Variants in PPP4R1 observed in about 807,000 individuals in gnomAD.
PPP4R1 encodes serine/threonine-protein phosphatase 4 regulatory subunit 1.
Under a neutral mutation model 111.2 loss-of-function variants are expected in PPP4R1, and 42 were observed. The observed-to-expected ratio is 0.38, with a 90% CI of 0.29 to 0.49. The LOEUF is 0.49. PPP4R1 is among the 20% of genes least tolerant of loss of function. The pLI is 0.97. For synonymous variants in PPP4R1, 409 were observed against 405.5 expected (o/e 1.01, Z -0.10); for missense variants, 1,012 against 1,161.6 (o/e 0.87, Z 1.87).
At chr18:9,551,875 C>A (rs911672276) in intron 16 of PPP4R1, 3 of 152,382 alleles carry the variant, frequency 2.0e-5, no homozygotes, top group African/African-American at 7.2e-5. Context: ...CCAGCTGCCA[C>A]CCTCAGCAAA....
chr18:9,577,101 T>C lies in PPP4R1; in HGVS notation c.1009A>G (p.Lys337Glu), dbSNP rs1165756898. The change falls in exon 10 of 20, where the codon AAA becomes GAA. Residue 337 changes from lysine (K) to glutamate (E), a missense_variant. Transcript: ENST00000400556. ...TCTACTGACATCTCTTCTGAACTTT[T>C]GCTTTCTTCTTTAAAATACTGGCCT... ...SSGQYFKEESKSSEEMSVENK... is the reference protein window; with the variant it reads ...SSGQYFKEESESSEEMSVENK... 6.3e-7 allele frequency: 1 copy of C among 1,595,752 alleles called. No individual in the cohort carries two copies. The highest frequency in any genetic ancestry group is 8.6e-7 in the Non-Finnish European group (1 of 1,169,118).
intron 18 of PPP4R1, among the ~76,000 whole-genome samples, 175 bp from the exon 19 acceptor site, chr18:9,549,513 G>A (rs1335352629): frequency 3.9e-5 from 6 of 152,110 alleles, no homozygotes; most frequent in African/African-American, 1.4e-4. Context: ...CTGCCCACAC[G>A]GACAGACACA....
At chr18:9,580,180 T>C (rs1477882681) in intron 9 of PPP4R1, among the ~76,000 whole-genome samples, 1 of 152,176 alleles carries the variant, frequency 6.6e-6, no homozygotes, top group Non-Finnish European at 1.5e-5. Context: ...ATCTCTGCCA[T>C]GACGGTGTGA....
intron 6 of PPP4R1, among the ~76,000 whole-genome samples, chr18:9,585,999 C>A (rs2067109777): frequency 6.6e-6 from 1 of 152,152 alleles, no homozygotes; most frequent in Non-Finnish European, 1.5e-5. Flanking sequence ...ATAACGCCTA[C>A]ATCTCCTAAA....
chr18:9,562,858 A>T, intron 12 of PPP4R1: 2 of 985,162 alleles, frequency 2.0e-6, no homozygotes, highest in Non-Finnish European at 2.4e-6. Flanking sequence ...GCAGGAAATT[A>T]GGGAAGGATC....
At chr18:9,590,683 T>C (rs2067196365) in intron 4 of PPP4R1, among the ~76,000 whole-genome samples, 1 of 151,604 alleles carries the variant, frequency 6.6e-6, no homozygotes, top group Non-Finnish European at 1.5e-5. Flanking sequence ...AACTGGCTAC[T>C]CACATTAAAA....
chr18:9,556,561 T>A (rs192802537), intron 15 of PPP4R1, among the ~76,000 whole-genome samples: 2 of 152,272 alleles, frequency 1.3e-5, no homozygotes, highest in Non-Finnish European at 1.5e-5. Context: ...CCAGAGTCAA[T>A]TTCAAGGCTA....
chr18:9,611,493 T>G (rs973426807), intron 2 of PPP4R1, among the ~76,000 whole-genome samples: 1 of 152,156 alleles, frequency 6.6e-6, no homozygotes, highest in African/African-American at 2.4e-5. Context: ...TCTTTCTCCC[T>G]TCACAAGAGA....
At chr18:9,605,668 A>T (rs2067469893) in intron 2 of PPP4R1, among the ~76,000 whole-genome samples, 7 of 151,978 alleles carry the variant, frequency 4.6e-5, no homozygotes, top group Middle Eastern at 3.4e-3. Flanking sequence ...TGTCAATTTC[A>T]TGAATGCTAA....
At chr18:9,606,309 G>A (rs1157723054) in intron 2 of PPP4R1, among the ~76,000 whole-genome samples, 8 of 152,130 alleles carry the variant, frequency 5.3e-5, no homozygotes, top group Non-Finnish European at 7.4e-5. Context: ...TTCTGTTTTC[G>A]TAAATAAAAT....
At position 9,563,433 on chromosome 18, in the gene PPP4R1, G is replaced by C; in HGVS notation, c.1691C>G (p.Pro564Arg). Residue 564 changes from proline to arginine, a missense_variant, in exon 12 of 20, where the codon CCA (proline) becomes CGA (arginine). Coordinates refer to ENST00000400556, the MANE Select transcript of PPP4R1 (RefSeq NM_001042388.3). ...ATCTTCTTGATTTATTTTACAATTTGGTAGCTCATTTATATCCAGTTCATC... is the reference window on the plus strand; with the variant it reads ...ATCTTCTTGATTTATTTTACAATTTCGTAGCTCATTTATATCCAGTTCATC... ...LQDELDINEL[P>R]NCKINQEDSV... is the part of the protein sequence containing the mutation. 6.2e-7 allele frequency: 1 copy of C among 1,612,398 alleles called. No homozygotes were observed. The highest frequency in any genetic ancestry group is 8.5e-7 in the Non-Finnish European group (1 of 1,178,976).
intron 9 of PPP4R1, among the ~76,000 whole-genome samples, chr18:9,580,428 C>A (rs1316840238): frequency 6.6e-6 from 1 of 151,420 alleles, no homozygotes; most frequent in Non-Finnish European, 1.5e-5. Context: ...CGGCTCACTG[C>A]AAGCTCCGCC....
chr18:9,588,259 A>G (rs200717706), intron 5 of PPP4R1, 24 bp from the exon 6 acceptor site: 1 of 1,609,002 alleles, frequency 6.2e-7, no homozygotes, highest in African/African-American at 1.3e-5. Flanking sequence ...AACAACACAA[A>G]GAAAGTACAT....
intron 11 of PPP4R1, among the ~76,000 whole-genome samples, chr18:9,564,087 C>T (rs372712031): frequency 3.3e-5 from 5 of 152,142 alleles, no homozygotes; most frequent in African/African-American, 7.2e-5. Context: ...ACACAATAAT[C>T]CCAAATGAGC....
At chr18:9,588,660 T>C (rs2067160743) in intron 5 of PPP4R1, 51 bp downstream of exon 5, 1 of 1,490,466 alleles carries the variant, frequency 6.7e-7, no homozygotes, top group South Asian at 1.3e-5. Flanking sequence ...CTATTCTCCA[T>C]ATATTACACT....
At chr18:9,563,170 G>A in intron 12 of PPP4R1, 4 of 1,236,788 alleles carry the variant, frequency 3.2e-6, no homozygotes, top group Non-Finnish European at 4.2e-6. Flanking sequence ...GACAGAAGTG[G>A]GATTTACTTT....
intron 2 of PPP4R1, chr18:9,613,962 C>A (rs959505519): frequency 6.6e-5 from 17 of 257,214 alleles, no homozygotes; most frequent in Admixed American, 1.1e-4. Context: ...GCAGGCGATT[C>A]GGGGGCGCCG....
At chr18:9,604,531 C>T (rs943468978) in intron 2 of PPP4R1, among the ~76,000 whole-genome samples, 1 of 152,188 alleles carries the variant, frequency 6.6e-6, no homozygotes, top group Non-Finnish European at 1.5e-5. Context: ...TGCCCCACTA[C>T]TTTTCTGTCT....
chr18:9,610,109 A>G (rs1310930610), intron 2 of PPP4R1, among the ~76,000 whole-genome samples: 4 of 152,228 alleles, frequency 2.6e-5, no homozygotes, highest in African/African-American at 9.6e-5. Context: ...CTTCAATGAA[A>G]TTATTTTTAC....
Sources: gnomAD v4.1 joint callset for allele counts (sites outside exome capture counted in the v4.1 genomes callset) on GRCh38, gnomAD v4.1.1 for gene constraint, MANE v1.5 for transcripts, NCBI Gene and HGNC (gene_info 2026-07-23, HGNC 2026-07-21) for gene names.